UNC5D: variants seen among roughly 807,000 people sequenced by gnomAD.
UNC5D encodes unc-5 netrin receptor D, also known as netrin receptor UNC5D.
In UNC5D, 39 loss-of-function variants were observed where a neutral mutation model predicts 105.4. The observed-to-expected ratio is 0.37, with a 90% confidence interval of 0.29 to 0.48. The LOEUF (loss-of-function observed/expected upper bound fraction) is 0.48, where lower values mean the gene tolerates loss of function less well. Among genes scored for constraint, UNC5D ranks in the 20% least tolerant of loss-of-function variants. The probability of loss-of-function intolerance (pLI) is 0.98; values close to 1 mark genes in which losing one functional copy is unlikely to be tolerated. For synonymous variants in UNC5D, 452 were observed against 450.4 expected (o/e 1.00, Z -0.04); for missense variants, 991 against 1,202.4 (o/e 0.82, Z 2.60).
intron 1 of UNC5D, among the ~76,000 whole-genome samples, chr8:35,277,240 A>G (rs1316115092): frequency 6.6e-6 from 1 of 152,182 alleles, no homozygotes; most frequent in Non-Finnish European, 1.5e-5. Flanking sequence ...TCTGGGAACA[A>G]CTGTGCTTGG....
At position 35,460,879 on chromosome 8, in the gene UNC5D, GA is replaced by G. The variant is rs1211576392; in HGVS notation, c.104-88411del. ...ATTTGTCCTCACCATCAGCAACAGT[GA>G]ATTACTCTATTTATGTTTTTCTAAC... On this transcript the variant is annotated intron_variant, in intron 1 of 16. Coordinates refer to ENST00000404895, the MANE Select transcript of UNC5D (RefSeq NM_080872.4). Among the ~76,000 whole-genome samples the G allele has an allele frequency of 1.2e-4, 18 of 152,312 alleles. No homozygotes were observed. The East Asian group carries it at 3.5e-3, about 29-fold the overall frequency.
chr8:35,575,474 C>T (rs1345204151), intron 3 of UNC5D, among the ~76,000 whole-genome samples: 1 of 152,048 alleles, frequency 6.6e-6, no homozygotes, highest in Admixed American at 6.6e-5. Flanking sequence ...CCTAACAGTA[C>T]TACAATGAAG....
At chr8:35,351,191 G>C (rs1343336904) in intron 1 of UNC5D, among the ~76,000 whole-genome samples, 1 of 151,950 alleles carries the variant, frequency 6.6e-6, no homozygotes, top group Admixed American at 6.6e-5. Context: ...TTTAACAGAG[G>C]CCTCACTTGC....
At chr8:35,456,421 C>A (rs1465996171) in intron 1 of UNC5D, among the ~76,000 whole-genome samples, 1 of 152,210 alleles carries the variant, frequency 6.6e-6, no homozygotes, top group East Asian at 1.9e-4. Context: ...TTGAGATCCA[C>A]TGCTGAAGGT....
At chr8:35,468,177 A>G (rs1809449754) in intron 1 of UNC5D, among the ~76,000 whole-genome samples, 1 of 152,210 alleles carries the variant, frequency 6.6e-6, no homozygotes, top group Non-Finnish European at 1.5e-5. Flanking sequence ...TTGGTCGTTT[A>G]GGGATTGCCC....
intron 16 of UNC5D, among the ~76,000 whole-genome samples, chr8:35,779,843 A>G (rs570802122): frequency 1.3e-5 from 2 of 152,316 alleles, no homozygotes; most frequent in African/African-American, 4.8e-5. Context: ...AATGAGTCTT[A>G]AAACAGGCTA....
chr8:35,312,402 C>T (rs1300583916), intron 1 of UNC5D, among the ~76,000 whole-genome samples: 1 of 152,146 alleles, frequency 6.6e-6, no homozygotes, highest in Non-Finnish European at 1.5e-5. Context: ...AACAGCATTG[C>T]TTTGCTTCTC....
intron 1 of UNC5D, among the ~76,000 whole-genome samples, chr8:35,493,614 T>C (rs1238180537): frequency 6.6e-6 from 1 of 152,142 alleles, no homozygotes; most frequent in Non-Finnish European, 1.5e-5. Context: ...AAAAAATCCA[T>C]GCTCCCAAAT....
At chr8:35,486,132 A>T (rs1184044377) in intron 1 of UNC5D, among the ~76,000 whole-genome samples, 1 of 152,210 alleles carries the variant, frequency 6.6e-6, no homozygotes, top group Non-Finnish European at 1.5e-5. Flanking sequence ...TGGCATATCA[A>T]TGAGGAGTGC....
intron 1 of UNC5D, chr8:35,544,307 T>A (rs1815484623): frequency 7.2e-7 from 1 of 1,395,356 alleles, no homozygotes; most frequent in Non-Finnish European, 9.6e-7. Flanking sequence ...AAGCTTGGAG[T>A]GCTGGCTTTG....
chr8:35,304,156 A>G (rs968890714), intron 1 of UNC5D, among the ~76,000 whole-genome samples: 1 of 151,904 alleles, frequency 6.6e-6, no homozygotes, highest in African/African-American at 2.4e-5. Flanking sequence ...TCATTTTCAT[A>G]TTTCACATAT....
Position 35,793,166 on chromosome 8 carries a change from A to G in UNC5D, c.*2603A>G, listed in dbSNP as rs1803121361. On this transcript the variant is annotated 3_prime_UTR_variant, in exon 17 of 17. Transcript: ENST00000404895. ...GATCCTACATAGGATTTCTATAGAA[A>G]TGTATGAAATTCTGTGGTCACTGCA... 2.2e-6 allele frequency: 1 copy of G among 456,128 alleles called. No individual in the cohort carries two copies. Among genetic ancestry groups the G allele is most frequent in the Non-Finnish European group, 4.4e-6 (1 of 226,764 alleles). The allele number at this position is 456,128 out of a possible 1,614,324, so 28.3% of individuals were successfully genotyped here.
At chr8:35,725,682 C>G (rs1401279217) in intron 9 of UNC5D, among the ~76,000 whole-genome samples, 1 of 152,154 alleles carries the variant, frequency 6.6e-6, no homozygotes, top group African/African-American at 2.4e-5. Flanking sequence ...GATGTAGCTT[C>G]TGTTATAAAC....
chr8:35,240,738 A>G (rs768138542), intron 1 of UNC5D, among the ~76,000 whole-genome samples: 1 of 152,232 alleles, frequency 6.6e-6, no homozygotes, highest in Non-Finnish European at 1.5e-5. Flanking sequence ...TGATGACAAA[A>G]GTACTCAAAT....
intron 1 of UNC5D, among the ~76,000 whole-genome samples, chr8:35,512,719 C>T (rs868571697): frequency 4.7e-5 from 7 of 150,032 alleles, no homozygotes; most frequent in Admixed American, 1.3e-4. Flanking sequence ...TGAACTTACC[C>T]GTTTTAGAAA....
At chr8:35,450,272 A>T (rs1808056957) in intron 1 of UNC5D, among the ~76,000 whole-genome samples, 1 of 152,198 alleles carries the variant, frequency 6.6e-6, no homozygotes, top group South Asian at 2.1e-4. Flanking sequence ...ACACTTTTAG[A>T]GACCATGGCT....
chr8:35,724,103 G>A lies in UNC5D; in HGVS notation c.1303+1708G>A, dbSNP rs1828730813. 2.2e-6 allele frequency: 3 copies of A among 1,385,640 alleles called. No homozygotes were observed. In the East Asian group the frequency reaches 7.8e-5, roughly 36 times the overall value. The allele number at this position is 1,385,640 out of a possible 1,614,324, so 85.8% of individuals were successfully genotyped here. Reference sequence around the variant, plus strand: ...GTGTTCCGTGGAGCACCAGGCAGCAGGTGAGAAGGGTGGATCCCTGGCCTA... The same window carrying A: ...GTGTTCCGTGGAGCACCAGGCAGCAAGTGAGAAGGGTGGATCCCTGGCCTA... On this transcript the variant is annotated intron_variant, in intron 9 of 16. Coordinates refer to ENST00000404895, the MANE Select transcript of UNC5D (RefSeq NM_080872.4).
At chr8:35,238,746 G>T (rs533713565) in intron 1 of UNC5D, among the ~76,000 whole-genome samples, 1 of 152,204 alleles carries the variant, frequency 6.6e-6, no homozygotes, top group South Asian at 2.1e-4. Flanking sequence ...ACATTTCCTG[G>T]ACAATGAAAT....
In UNC5D at chr8:35,791,784, A is replaced by G. The variant is rs1172714433; in HGVS notation, c.*1221A>G. On this transcript the variant is annotated 3_prime_UTR_variant, in exon 17 of 17. Transcript: ENST00000404895. ...CTGTGACTATTCAGCCTCCCTGAAT[A>G]TGCTTTCTCTATAGAACCACTAACA... 6.6e-6 allele frequency: 1 copy of G among 152,168 alleles called. No individual in the cohort carries two copies. Among genetic ancestry groups the G allele is most frequent in the Non-Finnish European group, 1.5e-5 (1 of 68,012 alleles). 9.4% of individuals were successfully genotyped at this position (152,168 alleles called of 1,614,324 possible). A position where few individuals can be genotyped will look rare whatever the true frequency, so the allele number is the denominator to read the frequency against.
Sources: gnomAD v4.1 joint callset for allele counts (sites outside exome capture counted in the v4.1 genomes callset) on GRCh38, gnomAD v4.1.1 for gene constraint, MANE v1.5 for transcripts, NCBI Gene and HGNC (gene_info 2026-07-23, HGNC 2026-07-21) for gene names.